Variants in FCN2 observed in about 807,000 individuals in gnomAD.
FCN2 encodes ficolin-2.
A neutral mutation model predicts 32.5 loss-of-function variants in FCN2; 31 were observed. The ratio of observed to expected loss-of-function variants is 0.96; its 90% CI spans 0.72 to 1.29. FCN2 has a LOEUF of 1.29. FCN2 is among the 50% of genes most tolerant of loss of function. FCN2 has a pLI of 0.00. For missense variants in FCN2, 412 were observed against 406.5 expected, an observed-to-expected ratio of 1.01 and a Z score of -0.12; for synonymous variants, 181 against 164.5, an observed-to-expected ratio of 1.10 and a Z score of -0.77.
At chr9:134,882,064 G>C (rs1830671474) in intron 1 of FCN2, among the ~76,000 whole-genome samples, 2 of 152,142 alleles carry the variant, frequency 1.3e-5, no homozygotes, top group South Asian at 4.1e-4. Context: ...CTCTCTCCCT[G>C]TGTCCTTCTC....
At position 134,883,373 on chromosome 9, in the gene FCN2, G is replaced by A; in HGVS notation, c.268+18G>A. 1 of 1,611,342 alleles carries A rather than the reference G, an allele frequency of 6.2e-7. No individual in the cohort carries two copies. The highest frequency in any genetic ancestry group is 8.5e-7 in the Non-Finnish European group (1 of 1,177,682). On this transcript the variant is annotated intron_variant, in intron 3 of 7. Transcript: ENST00000291744. ...GCCCAACGGTAAGGAGGGGACAAGA[G>A]TGAGAAGCGGCTTCAAGGCCCTTCC...
chr9:134,883,645 A>G, intron 3 of FCN2, among the ~76,000 whole-genome samples: 1 of 93,302 alleles, frequency 1.1e-5, no homozygotes, highest in Non-Finnish European at 2.1e-5. Context: ...GTGTGGGGGC[A>G]GGGTTCTCAA....
At chr9:134,872,230 C>T in the FCN2 span, among the ~76,000 whole-genome samples, 7 of 152,166 alleles carry the variant, frequency 4.6e-5, no homozygotes, top group South Asian at 6.2e-4. Flanking sequence ...ATCCATTCAG[C>T]GGAGTCGTAC....
chr9:134,881,234 G>A (rs1452734399), intron 1 of FCN2, among the ~76,000 whole-genome samples: 1 of 152,210 alleles, frequency 6.6e-6, no homozygotes, highest in African/African-American at 2.4e-5. Context: ...GGGGAGGTGA[G>A]GCTTGTGGTG....
the FCN2 span, among the ~76,000 whole-genome samples, chr9:134,864,275 C>T: frequency 1.3e-5 from 2 of 152,306 alleles, no homozygotes; most frequent in Non-Finnish European, 2.9e-5. Context: ...GCAGTGTTCC[C>T]GCCAAGCTTT....
chr9:134,865,274 G>C, the FCN2 span, among the ~76,000 whole-genome samples: 2 of 152,194 alleles, frequency 1.3e-5, no homozygotes, highest in African/African-American at 4.8e-5. Context: ...TCCACCTTCT[G>C]GGGGAGGCTC....
At chr9:134,880,710 C>G, upstream of FCN2, 1 of 854,548 alleles carries the variant, frequency 1.2e-6, no homozygotes, top group Non-Finnish European at 2.0e-6. Context: ...TCACCAAGCC[C>G]GCGGAGAGGA....
the FCN2 span, among the ~76,000 whole-genome samples, chr9:134,864,325 C>T: frequency 2.0e-5 from 3 of 152,334 alleles, no homozygotes; most frequent in Middle Eastern, 3.4e-3. Context: ...CCACACGGGC[C>T]TCAGGGAGCC....
chr9:134,875,742 C>A, the FCN2 span, among the ~76,000 whole-genome samples: 1 of 152,294 alleles, frequency 6.6e-6, no homozygotes, highest in East Asian at 1.9e-4. Context: ...TGCCCCTAAA[C>A]TGAACCAGCT....
At chr9:134,882,709 C>A (rs1588643083) in intron 2 of FCN2, 70 bp downstream of exon 2, 5 of 1,067,850 alleles carry the variant, frequency 4.7e-6, no homozygotes, top group Non-Finnish European at 7.2e-6. Flanking sequence ...TTGGGCAACA[C>A]CCCCACCATG....
intron 3 of FCN2, 94 bp downstream of exon 3, chr9:134,883,449 G>A (rs368329671): frequency 1.7e-6 from 2 of 1,156,812 alleles, no homozygotes; most frequent in Non-Finnish European, 1.3e-6. Flanking sequence ...CTGCCACGCT[G>A]TCCTCGCCAG....
At chr9:134,875,279 T>C in the FCN2 span, among the ~76,000 whole-genome samples, 1 of 152,220 alleles carries the variant, frequency 6.6e-6, no homozygotes, top group South Asian at 2.1e-4. Flanking sequence ...ATTGCATTCA[T>C]TCAGTCTTGT....
upstream of FCN2, among the ~76,000 whole-genome samples, chr9:134,877,781 C>T (rs528013542): frequency 4.6e-5 from 7 of 152,282 alleles, no homozygotes; most frequent in East Asian, 1.2e-3. Context: ...AGGGTGGAGA[C>T]CTGGGCTGAG....
In FCN2 at chr9:134,887,461, G is replaced by C. The variant is rs988059628; in HGVS notation, c.*46G>C. ...AGGACGCCTCCACACATAGTTGGTTGGGGGGTAGGGTTGGGAGCTTGGCCC... is the reference window on the plus strand; with the variant it reads ...AGGACGCCTCCACACATAGTTGGTTCGGGGGTAGGGTTGGGAGCTTGGCCC... On this transcript the variant is annotated 3_prime_UTR_variant, in exon 8 of 8. Transcript: ENST00000291744. 1.0e-5 allele frequency: 16 copies of C among 1,595,894 alleles called. No homozygotes were observed. Among genetic ancestry groups the C allele is most frequent in the Non-Finnish European group, 1.2e-5 (14 of 1,165,358 alleles).
upstream of FCN2, among the ~76,000 whole-genome samples, chr9:134,877,720 G>T (rs1337661589): frequency 6.6e-6 from 1 of 152,028 alleles, no homozygotes. Context: ...ATGCCTGCCT[G>T]GTCTGTCTCC....
chr9:134,875,837 A>G (rs942535648), upstream of FCN2, among the ~76,000 whole-genome samples: 3 of 152,204 alleles, frequency 2.0e-5, no homozygotes, highest in African/African-American at 7.2e-5. Flanking sequence ...AGACCTTAGC[A>G]GAGAACCCCA....
At chr9:134,869,550 C>T in the FCN2 span, among the ~76,000 whole-genome samples, 1 of 152,240 alleles carries the variant, frequency 6.6e-6, no homozygotes. Context: ...TTCCCCGCCT[C>T]TGGAAATCAG....
Position 134,887,319 on chromosome 9 carries a change from G to C in FCN2, c.846G>C (p.Gly282=), listed in dbSNP as rs907116410. The change falls in exon 8 of 8, where the codon GGG becomes GGC. Residue 282 remains glycine, a synonymous_variant. Transcript: ENST00000291744. ...ACCTGAATGGTCGCTACCTCAGGGGGACTCATGGCAGCTTTGCAAATGGCA... is the reference window on the plus strand; with the variant it reads ...ACCTGAATGGTCGCTACCTCAGGGGCACTCATGGCAGCTTTGCAAATGGCA... ...VSNLNGRYLR[G]THGSFANGIN... 6.2e-7 allele frequency: 1 copy of C among 1,614,174 alleles called. No individual in the cohort carries two copies. Among genetic ancestry groups the C allele is most frequent in the East Asian group, 2.2e-5 (1 of 44,878 alleles).
chr9:134,887,390 C>T lies in FCN2; in HGVS notation c.917C>T (p.Ser306Leu), dbSNP rs1830776178. Residue 306 changes from serine (S) to leucine (L), a missense_variant, in exon 8 of 8, where the codon TCA becomes TTA. Ser to Leu is a moderately radical substitution (Grantham distance 145). Transcript: ENST00000291744. ...GGATACAATTATAGCTACAAGGTGT[C>T]AGAGATGAAGGTGCGACCTGCCTAG... is the stretch of plus-strand genomic sequence containing the variant. Reference protein sequence around the residue: ...GKGYNYSYKVSEMKVRPA With the variant: ...GKGYNYSYKVLEMKVRPA The T allele has an allele frequency of 6.2e-7, 1 of 1,614,014 alleles. No homozygotes were observed.
Sources: gnomAD v4.1 joint callset for allele counts (sites outside exome capture counted in the v4.1 genomes callset) on GRCh38, gnomAD v4.1.1 for gene constraint, MANE v1.5 for transcripts, NCBI Gene and HGNC (gene_info 2026-07-23, HGNC 2026-07-21) for gene names.